The following SENP8 variants were observed in gnomAD, a reference collection of about 807,000 sequenced individuals.
SENP8 encodes the protein sentrin-specific protease 8.
A neutral mutation model predicts 14.4 loss-of-function variants in SENP8; 10 were observed. The ratio of observed to expected loss-of-function variants is 0.69; its 90% CI spans 0.43 to 1.18. SENP8 has a LOEUF of 1.18. SENP8 is among the 50% of genes most tolerant of loss of function. The pLI, the probability that SENP8 is intolerant of heterozygous loss-of-function variation, is 0.00. For synonymous variants in SENP8, 94 were observed against 95.5 expected (o/e 0.98, Z 0.09); for missense variants, 202 against 249.4 (o/e 0.81, Z 1.28).
intron 1 of SENP8, chr15:72,134,847 G>A: frequency 3.5e-6 from 1 of 284,292 alleles, no homozygotes; most frequent in South Asian, 4.2e-5. Context: ...GTGATACCCA[G>A]CATGATGTTG....
chr15:72,132,602 T>G (rs1318547245), intron 1 of SENP8, among the ~76,000 whole-genome samples: 1 of 151,054 alleles, frequency 6.6e-6, no homozygotes, highest in Non-Finnish European at 1.5e-5. Context: ...ATAATGTTAT[T>G]ATCATCCTCT....
intron 1 of SENP8, chr15:72,135,023 C>T: frequency 3.0e-6 from 1 of 337,218 alleles, no homozygotes. Flanking sequence ...CACCCTGAAG[C>T]ACCAGCCTGC....
At chr15:72,128,359 C>T (rs1057487625) in intron 1 of SENP8, among the ~76,000 whole-genome samples, 1 of 152,170 alleles carries the variant, frequency 6.6e-6, no homozygotes, top group African/African-American at 2.4e-5. Context: ...TAAGCTTGTG[C>T]TCATTCCTTT....
At chr15:72,127,249 A>G (rs1474741584) in intron 1 of SENP8, among the ~76,000 whole-genome samples, 4 of 152,148 alleles carry the variant, frequency 2.6e-5, no homozygotes, top group African/African-American at 9.7e-5. Context: ...AAAAAAGAAT[A>G]TGAACCAATA....
intron 1 of SENP8, 57 bp from the exon 2 acceptor site, chr15:72,139,520 T>C: frequency 6.8e-7 from 1 of 1,469,700 alleles, no homozygotes; most frequent in Non-Finnish European, 9.2e-7. Context: ...AAGTAACTAC[T>C]ATTTTCCAGC....
At chr15:72,120,764 T>C in intron 1 of SENP8, among the ~76,000 whole-genome samples, 1 of 152,256 alleles carries the variant, frequency 6.6e-6, no homozygotes, top group Non-Finnish European at 1.5e-5. Flanking sequence ...TAGTGATGAC[T>C]ATAAATTATA....
At chr15:72,120,484 C>T (rs904841263) in intron 1 of SENP8, among the ~76,000 whole-genome samples, 14 of 152,068 alleles carry the variant, frequency 9.2e-5, no homozygotes, top group East Asian at 1.9e-4. Context: ...CCTTGAATTC[C>T]ATGGTGAAGA....
In SENP8 at chr15:72,141,037, T is replaced by C. The variant is rs2081376222; in HGVS notation, c.*775T>C. 1 of 166,018 alleles carries C rather than the reference T, an allele frequency of 6.0e-6. No individual in the cohort carries two copies. 10.3% of individuals were successfully genotyped at this position (166,018 alleles called of 1,614,324 possible). On this transcript the variant is annotated 3_prime_UTR_variant, in exon 2 of 2. Coordinates refer to ENST00000340912, the MANE Select transcript of SENP8 (RefSeq NM_145204.4). ...AACTGCTTTTCTCTGCCTTGTCTAT[T>C]AGCCATGCACACACTTCCTCCTTAT...
At chr15:72,139,139 A>AC (rs2081355788) in intron 1 of SENP8, among the ~76,000 whole-genome samples, 1 of 152,092 alleles carries the variant, frequency 6.6e-6, no homozygotes, top group Non-Finnish European at 1.5e-5. Flanking sequence ...AAATAACCTT[A>AC]CCAATAACAT....
At chr15:72,122,567 C>A (rs12441246) in intron 1 of SENP8, among the ~76,000 whole-genome samples, 6,642 of 152,252 alleles carry the variant, frequency 0.044, 260 homozygotes, top group East Asian at 0.18. Context: ...ATAAAATTAA[C>A]TTCCAGAACT....
chr15:72,124,575 A>G (rs1241485351), intron 1 of SENP8, among the ~76,000 whole-genome samples: 1 of 152,246 alleles, frequency 6.6e-6, no homozygotes. Context: ...TTTAGTAAAC[A>G]TCAAATTATT....
At position 72,141,839 on chromosome 15, in the gene SENP8, G is replaced by A. The variant is rs2081382465; in HGVS notation, c.*1577G>A. 6.6e-6 allele frequency: 1 copy of A among 152,188 alleles called. No individual in the cohort carries two copies. Among genetic ancestry groups the A allele is most frequent in the Non-Finnish European group, 1.5e-5 (1 of 68,032 alleles). The allele number at this position is 152,188 out of a possible 1,614,324, so 9.4% of individuals were successfully genotyped here. ...CATCCATAGAGGTGAAATACAGAGG[G>A]AGGGACAGCAAGAGAAGTGACAAAG... is the stretch of plus-strand genomic sequence containing the variant. On this transcript the variant is annotated 3_prime_UTR_variant, in exon 2 of 2. Transcript: ENST00000340912.
In SENP8 at chr15:72,122,802, CTT is replaced by C. The variant is rs1363981391; in HGVS notation, c.-48+4339_-48+4340del. ...TGAGGCTTTTTAATAATTTTTATTA[CTT>C]ACAGAAAATTTCTGAAAGTTCCTTT... On this transcript the variant is annotated intron_variant, in intron 1 of 1. Transcript: ENST00000340912. Among the ~76,000 whole-genome samples the C allele has an allele frequency of 1.3e-5, 2 of 152,138 alleles. 1 individual carries two copies.
chr15:72,139,310 A>G (rs2081357458), intron 1 of SENP8: 2 of 268,844 alleles, frequency 7.4e-6, no homozygotes, highest in Non-Finnish European at 1.4e-5. Flanking sequence ...CTATTCATTA[A>G]GTGGAAATGG....
intron 1 of SENP8, among the ~76,000 whole-genome samples, chr15:72,132,138 G>T (rs1177187943): frequency 1.3e-5 from 2 of 152,018 alleles, no homozygotes; most frequent in Non-Finnish European, 2.9e-5. Context: ...CTAGACCCAA[G>T]ACTTCCTAGC....
chr15:72,120,044 T>G (rs1484311974), intron 1 of SENP8, among the ~76,000 whole-genome samples: 1 of 152,162 alleles, frequency 6.6e-6, no homozygotes, highest in Non-Finnish European at 1.5e-5. Context: ...TAAGCCAATT[T>G]ATGAGATGCA....
At chr15:72,115,035 C>T (rs1459944055), upstream of SENP8, among the ~76,000 whole-genome samples, 1 of 152,006 alleles carries the variant, frequency 6.6e-6, no homozygotes, top group African/African-American at 2.4e-5. Flanking sequence ...CTAAGTTTAC[C>T]CAATTTCCCT....
chr15:72,118,276 C>A (rs1423947634), upstream of SENP8: 1 of 293,134 alleles, frequency 3.4e-6, no homozygotes, highest in Non-Finnish European at 6.3e-6. Context: ...ACGCCCCAGG[C>A]GGCCCCGCCC....
At chr15:72,119,221 T>A (rs2081118717) in intron 1 of SENP8, among the ~76,000 whole-genome samples, 1 of 152,082 alleles carries the variant, frequency 6.6e-6, no homozygotes. Flanking sequence ...GGAGGCTAAT[T>A]TATAAGATCA....
Sources: allele counts gnomAD v4.1 joint callset (sites outside exome capture counted in the v4.1 genomes callset), GRCh38; gene constraint gnomAD v4.1.1; transcripts MANE v1.5; gene names NCBI Gene and HGNC (gene_info 2026-07-23, HGNC 2026-07-21).